Variants in MACROD2 observed in about 807,000 individuals in gnomAD.
The protein encoded by MACROD2 is ADP-ribose glycohydrolase MACROD2.
Under a neutral mutation model 70.4 loss-of-function variants are expected in MACROD2, and 36 were observed. The observed-to-expected ratio is 0.51, with a 90% confidence interval of 0.39 to 0.68. The LOEUF (loss-of-function observed/expected upper bound fraction) is 0.68. Ranked by LOEUF, MACROD2 falls within the 30% of genes least tolerant of loss-of-function variation. The pLI is 0.00. For synonymous variants in MACROD2, 172 were observed against 178.8 expected (o/e 0.96, Z 0.30); for missense variants, 496 against 538.4 (o/e 0.92, Z 0.78).
At chr20:15,273,998 G>A (rs1890339140) in intron 6 of MACROD2, among the ~76,000 whole-genome samples, 1 of 152,298 alleles carries the variant, frequency 6.6e-6, no homozygotes, top group South Asian at 2.1e-4. Flanking sequence ...AGCTATTATT[G>A]TAATGACGAC....
chr20:15,878,249 C>T (rs1256524618), intron 9 of MACROD2, among the ~76,000 whole-genome samples: 1 of 152,120 alleles, frequency 6.6e-6, no homozygotes, highest in African/African-American at 2.4e-5. Flanking sequence ...CACCTCTTAC[C>T]ACATTAGTGT....
chr20:15,210,520 G>A (rs1358119164), intron 5 of MACROD2, among the ~76,000 whole-genome samples: 2 of 148,466 alleles, frequency 1.3e-5, no homozygotes, highest in Non-Finnish European at 3.0e-5. Context: ...TTACAGGCAC[G>A]TCCAGCACCG....
intron 8 of MACROD2, among the ~76,000 whole-genome samples, chr20:15,851,414 G>A (rs1040888992): frequency 3.3e-5 from 5 of 151,886 alleles, no homozygotes; most frequent in African/African-American, 1.2e-4. Context: ...TCAGCAGGGG[G>A]CATTTCTTCT....
chr20:14,919,940 C>A (rs777302354), intron 5 of MACROD2, among the ~76,000 whole-genome samples: 20 of 152,304 alleles, frequency 1.3e-4, no homozygotes, highest in Middle Eastern at 3.4e-3. Context: ...TCATTCTAGT[C>A]AGCTTCCAGA....
chr20:15,609,061 C>T (rs1422752265), intron 8 of MACROD2, among the ~76,000 whole-genome samples: 2 of 152,126 alleles, frequency 1.3e-5, no homozygotes, highest in African/African-American at 4.8e-5. Flanking sequence ...TTCACCTGCT[C>T]TATTCCTCCA....
Position 14,213,361 on chromosome 20 carries a change from C to CAAAAAAAA in MACROD2, c.271+127651_271+127658dup, listed in dbSNP as rs60009822. Among the ~76,000 whole-genome samples, 118 of 30,258 alleles carry CAAAAAAAA rather than the reference C, an allele frequency of 3.9e-3. 48 individuals carry two copies. The highest frequency in any genetic ancestry group is 4.8e-3 in the Non-Finnish European group (89 of 18,510). 19.9% of individuals were successfully genotyped at this position (30,258 alleles called of 152,430 possible). A position where few individuals can be genotyped will look rare whatever the true frequency, so the allele number is the denominator to read the frequency against. ...ATAGTTGATTTTGAGCTTCTAGTGG[C>CAAAAAAAA]AAAAAAAAAAAAAAAAAAAAAAAAA... On this transcript the variant is annotated intron_variant, in intron 3 of 17. Transcript: ENST00000684519.
chr20:15,897,123 A>T (rs897403143), intron 10 of MACROD2, among the ~76,000 whole-genome samples: 1 of 152,242 alleles, frequency 6.6e-6, no homozygotes, highest in African/African-American at 2.4e-5. Context: ...AGGTTCCTTT[A>T]GTGAAAGTCT....
intron 4 of MACROD2, among the ~76,000 whole-genome samples, chr20:14,663,517 T>TACACAC (rs748542968): frequency 8.8e-5 from 10 of 114,014 alleles, no homozygotes; most frequent in African/African-American, 4.5e-4. Context: ...AACAGGGATG[T>TACACAC]ATACACACAC....
At chr20:14,258,539 C>A (rs1394721328) in intron 3 of MACROD2, among the ~76,000 whole-genome samples, 1 of 152,058 alleles carries the variant, frequency 6.6e-6, no homozygotes, top group African/African-American at 2.4e-5. Context: ...CTATTCATAT[C>A]ATTTGCCCAC....
intron 8 of MACROD2, among the ~76,000 whole-genome samples, chr20:15,643,695 T>G (rs2049497422): frequency 1.3e-5 from 2 of 152,250 alleles, no homozygotes; most frequent in African/African-American, 4.8e-5. Context: ...CTAACCACTT[T>G]ATCAAGCTAA....
At chr20:14,374,060 G>A (rs1429317957) in intron 3 of MACROD2, among the ~76,000 whole-genome samples, 1 of 152,074 alleles carries the variant, frequency 6.6e-6, no homozygotes, top group Non-Finnish European at 1.5e-5. Flanking sequence ...ACTTGCGATT[G>A]TGTAGACCCT....
intron 8 of MACROD2, among the ~76,000 whole-genome samples, chr20:15,657,611 C>G (rs2049750979): frequency 6.6e-6 from 1 of 152,108 alleles, no homozygotes; most frequent in African/African-American, 2.4e-5. Context: ...TTATATTGTG[C>G]TTAATGATTA....
intron 8 of MACROD2, among the ~76,000 whole-genome samples, chr20:15,562,182 C>T (rs184714671): frequency 1.1e-3 from 161 of 152,226 alleles, no homozygotes; most frequent in African/African-American, 3.5e-3. Context: ...CCACCCCCAT[C>T]CCCCACCAGC....
At chr20:14,563,235 G>A (rs1043193275) in intron 4 of MACROD2, among the ~76,000 whole-genome samples, 1 of 151,778 alleles carries the variant, frequency 6.6e-6, no homozygotes, top group Non-Finnish European at 1.5e-5. Flanking sequence ...TCCCTGGTAG[G>A]GGGCAAAGTT....
At chr20:15,395,125 G>GA (rs1946954118) in intron 6 of MACROD2, among the ~76,000 whole-genome samples, 2 of 152,178 alleles carry the variant, frequency 1.3e-5, no homozygotes, top group Non-Finnish European at 2.9e-5. Flanking sequence ...TGATATCACA[G>GA]TAAAATCCTG....
intron 4 of MACROD2, among the ~76,000 whole-genome samples, chr20:14,574,787 G>A (rs1176915214): frequency 6.7e-6 from 1 of 149,962 alleles, no homozygotes; most frequent in East Asian, 1.9e-4. Flanking sequence ...CGGGGCGGGT[G>A]GATCATGAGG....
At chr20:14,989,914 C>T (rs1257230575) in intron 5 of MACROD2, among the ~76,000 whole-genome samples, 1 of 152,052 alleles carries the variant, frequency 6.6e-6, no homozygotes, top group Non-Finnish European at 1.5e-5. Flanking sequence ...CTACAATCAC[C>T]CTGTATTATT....
intron 3 of MACROD2, among the ~76,000 whole-genome samples, chr20:14,356,591 G>A (rs1406178907): frequency 2.9e-5 from 4 of 140,180 alleles, no homozygotes; most frequent in Admixed American, 1.5e-4. Context: ...TGCAACCTCC[G>A]CCTCCTGGGT....
At chr20:15,969,646 G>A (rs957159) in intron 13 of MACROD2, among the ~76,000 whole-genome samples, 7,586 of 152,092 alleles carry the variant, frequency 0.05, 601 homozygotes, top group African/African-American at 0.17. Flanking sequence ...CAAAATTACA[G>A]ATAGTAGGGG....
Sources: gnomAD v4.1 joint callset for allele counts (sites outside exome capture counted in the v4.1 genomes callset) on GRCh38, gnomAD v4.1.1 for gene constraint, MANE v1.5 for transcripts, NCBI Gene and HGNC (gene_info 2026-07-23, HGNC 2026-07-21) for gene names.